The following FEZ1 variants were observed in gnomAD, a reference collection of about 807,000 sequenced individuals.
FEZ1 encodes fasciculation and elongation protein zeta-1.
In FEZ1, 20 loss-of-function variants were observed where a neutral mutation model predicts 49.3. The ratio of observed to expected loss-of-function variants is 0.41; its 90% CI spans 0.29 to 0.59. FEZ1 has a LOEUF of 0.59. FEZ1 is among the 20% of genes least tolerant of loss of function. The pLI, the probability that FEZ1 is intolerant of heterozygous loss-of-function variation, is 0.36. For missense variants in FEZ1, 413 were observed against 476.0 expected (o/e 0.87, Z 1.23); for synonymous variants, 170 against 180.9 (o/e 0.94, Z 0.48).
In FEZ1 at chr11:125,445,499, G is replaced by A. The variant is rs111452528; in HGVS notation, c.*596C>T. Among the ~76,000 whole-genome samples the A allele has an allele frequency of 9.4e-4, 143 of 152,308 alleles. 1 individual carries two copies. Among genetic ancestry groups the A allele is most frequent in the African/African-American group, 3.3e-3 (139 of 41,580 alleles). ...GACCAGCTCCTTTCTGCAGCCCCTG[G>A]TGCAGCTCCCTTGCATGTGGCTGAG... On this transcript the variant is annotated 3_prime_UTR_variant, in exon 10 of 10. Coordinates refer to ENST00000278919, the MANE Select transcript of FEZ1 (RefSeq NM_005103.5). The surrounding 1 kb of genome is among the most constrained non-coding windows in gnomAD (Gnocchi z 4.4).
rs1292806327 is a variant in FEZ1 at position 125,495,074 on chromosome 11, G to T, written c.-46+1047C>A. 2 of 334,594 alleles carry T rather than the reference G, an allele frequency of 6.0e-6. No homozygotes were observed. Among genetic ancestry groups the T allele is most frequent in the African/African-American group, 4.3e-5 (2 of 46,198 alleles). 20.7% of individuals were successfully genotyped at this position (334,594 alleles called of 1,614,324 possible). The stretch of plus-strand genomic sequence containing the variant: ...GTTTGTGCACATTTTGACAGAAAAA[G>T]TATTTCGTTGCATATGGATCAGCAA... On this transcript the variant is annotated intron_variant, in intron 1 of 9. Coordinates refer to ENST00000278919, the MANE Select transcript of FEZ1 (RefSeq NM_005103.5). The surrounding 1 kb of genome is among the most constrained non-coding windows in gnomAD (Gnocchi z 4.2).
rs377117728 is a variant in FEZ1 at position 125,449,762 on chromosome 11, T to C, written c.1097-1195A>G. Reference sequence around the variant, plus strand: ...TCAGAAGGCAGCTGCAACAGTGGGATTGCCACTTCATTTCGATATCCTTGT... The same window carrying C: ...TCAGAAGGCAGCTGCAACAGTGGGACTGCCACTTCATTTCGATATCCTTGT... On this transcript the variant is annotated intron_variant, in intron 8 of 9. Coordinates refer to ENST00000278919, the MANE Select transcript of FEZ1 (RefSeq NM_005103.5). Among the ~76,000 whole-genome samples, 62 of 152,322 alleles carry C rather than the reference T, an allele frequency of 4.1e-4. No homozygotes were observed. In the South Asian group the frequency reaches 7.3e-3, roughly 18 times the overall value.
chr11:125,491,737 C>T (rs1184584976), intron 1 of FEZ1, among the ~76,000 whole-genome samples: 1 of 152,190 alleles, frequency 6.6e-6, no homozygotes, highest in Admixed American at 6.5e-5. Flanking sequence ...AGAACACTGC[C>T]AGTTTGTACC....
chr11:125,476,509 C>A (rs540377333), intron 3 of FEZ1, among the ~76,000 whole-genome samples: 1 of 152,200 alleles, frequency 6.6e-6, no homozygotes, highest in Non-Finnish European at 1.5e-5. Flanking sequence ...AATTTGAAGT[C>A]ATGAGCTTCT....
intron 4 of FEZ1, 170 bp downstream of exon 4, chr11:125,463,314 A>G (rs752907185): frequency 2.4e-5 from 12 of 502,808 alleles, no homozygotes; most frequent in Non-Finnish European, 4.3e-5. Context: ...TCAAAAGTAT[A>G]TATATATAAA....
chr11:125,443,466 G>T lies in FEZ1; in HGVS notation c.*2629C>A, dbSNP rs1479105470. On this transcript the variant is annotated 3_prime_UTR_variant, in exon 10 of 10. Coordinates refer to ENST00000278919, the MANE Select transcript of FEZ1 (RefSeq NM_005103.5). ...TTGATGCAAATACAAGTTGCAGGGA[G>T]ATTTAGCTTAATACGTAGTAGAGCT... Among the ~76,000 whole-genome samples, 2 of 152,220 alleles carry T rather than the reference G, an allele frequency of 1.3e-5. No individual in the cohort carries two copies.
At chr11:125,461,200 G>A (rs1957071145) in intron 4 of FEZ1, among the ~76,000 whole-genome samples, 1 of 152,080 alleles carries the variant, frequency 6.6e-6, no homozygotes, top group African/African-American at 2.4e-5. Context: ...TAGAAGGATA[G>A]GTGGAGTCTA....
chr11:125,489,006 C>T lies in FEZ1; in HGVS notation c.311+461G>A, dbSNP rs1452136168. The T allele has an allele frequency of 4.1e-6, 4 of 985,798 alleles. No individual in the cohort carries two copies. The East Asian group carries it at 4.5e-4, about 112-fold the overall frequency. The allele number at this position is 985,798 out of a possible 1,614,324, so 61.1% of individuals were successfully genotyped here. A position where few individuals can be genotyped will look rare whatever the true frequency, so the allele number is the denominator to read the frequency against. ...GCTTTCTTATGTGGACATATCCTAA[C>T]ATCTGTAGATAACTCTCCAGGCCTG... On this transcript the variant is annotated intron_variant, in intron 2 of 9. Coordinates refer to ENST00000278919, the MANE Select transcript of FEZ1 (RefSeq NM_005103.5). This position sits in a 1 kb window ranked among gnomAD's most constrained non-coding sequence, Gnocchi z 4.2.
intron 3 of FEZ1, among the ~76,000 whole-genome samples, chr11:125,471,787 C>T (rs773820760): frequency 2.0e-5 from 3 of 152,074 alleles, no homozygotes; most frequent in Non-Finnish European, 4.4e-5. Context: ...ATTTATAGCA[C>T]ATTACAACCA....
At chr11:125,465,646 T>C (rs1957120794) in intron 3 of FEZ1, among the ~76,000 whole-genome samples, 2 of 152,096 alleles carry the variant, frequency 1.3e-5, no homozygotes, top group South Asian at 4.1e-4. Flanking sequence ...CACTAAAAAA[T>C]AAAATAAAAG....
At chr11:125,459,786 G>A (rs1957055740) in intron 5 of FEZ1, among the ~76,000 whole-genome samples, 1 of 152,038 alleles carries the variant, frequency 6.6e-6, no homozygotes, top group Non-Finnish European at 1.5e-5. Flanking sequence ...AAGATGAAAT[G>A]AGATTAGGCA....
At chr11:125,474,271 C>T (rs1296181488) in intron 3 of FEZ1, among the ~76,000 whole-genome samples, 2 of 150,652 alleles carry the variant, frequency 1.3e-5, no homozygotes, top group Non-Finnish European at 2.9e-5. Context: ...ATCTGCTGAC[C>T]TCGTGATCCA....
Position 125,481,524 on chromosome 11 carries a change from G to A in FEZ1, c.411+10C>T, listed in dbSNP as rs377689781. 151 of 1,567,464 alleles carry A rather than the reference G, an allele frequency of 9.6e-5. 1 individual carries two copies. The highest frequency in any genetic ancestry group is 1.5e-4 in the Admixed American group (9 of 59,944). On this transcript the variant is annotated intron_variant, in intron 3 of 9. Transcript: ENST00000278919. ...CAAGCCCTGCTAAACCAGGGGCCCC[G>A]GAGAGGTACCTCAGTGTCAGAGCAG...
chr11:125,462,095 T>A (rs1339544078), intron 4 of FEZ1, among the ~76,000 whole-genome samples: 3 of 152,218 alleles, frequency 2.0e-5, no homozygotes, highest in Admixed American at 2.0e-4. Flanking sequence ...AGTCTCCTAA[T>A]CCTCACGTGT....
chr11:125,479,620 G>A (rs1957261868), intron 3 of FEZ1, among the ~76,000 whole-genome samples: 1 of 152,198 alleles, frequency 6.6e-6, no homozygotes, highest in Non-Finnish European at 1.5e-5. Flanking sequence ...TTGTGGAGGT[G>A]ATGATATCAT....
rs1365267755 is a variant in FEZ1 at position 125,495,520 on chromosome 11, G to A, written c.-46+601C>T. ...TCTGTAGTAAAACAATCGCTCTCCCGGCGTCTGCGGCCGCTGCCAGCGGTT... is the reference window on the plus strand; with the variant it reads ...TCTGTAGTAAAACAATCGCTCTCCCAGCGTCTGCGGCCGCTGCCAGCGGTT... On this transcript the variant is annotated intron_variant, in intron 1 of 9. Coordinates refer to ENST00000278919, the MANE Select transcript of FEZ1 (RefSeq NM_005103.5). This position sits in a 1 kb window ranked among gnomAD's most constrained non-coding sequence, Gnocchi z 4.2. 1 of 471,086 alleles carries A rather than the reference G, an allele frequency of 2.1e-6. No individual in the cohort carries two copies. Among genetic ancestry groups the A allele is most frequent in the Admixed American group, 2.3e-5 (1 of 42,586 alleles). The allele number at this position is 471,086 out of a possible 1,614,324, so 29.2% of individuals were successfully genotyped here.
At chr11:125,463,675 A>T in intron 3 of FEZ1, 105 bp from the exon 4 acceptor site, 1 of 728,438 alleles carries the variant, frequency 1.4e-6, no homozygotes, top group Admixed American at 1.9e-5. Flanking sequence ...CACTCCAGCC[A>T]GCTGCTGTCT....
rs1362498060 is a variant in FEZ1 at position 125,481,624 on chromosome 11, A to C, written c.321T>G (p.Asp107Glu). The C allele has an allele frequency of 2.5e-6, 4 of 1,608,666 alleles. No individual in the cohort carries two copies. Among genetic ancestry groups the C allele is most frequent in the Non-Finnish European group, 1.7e-6 (2 of 1,175,218 alleles). ...AAGGGATGTAATTGTCTGTCAGAGC[A>C]TCCCAAACCCTGTAAACAAAGAGAA... ...EETLQDEEVW[D>E]ALTDNYIPSL... The change falls in exon 3 of 10, where the codon GAT becomes GAG. Residue 107 changes from aspartate to glutamate, a missense_variant. Coordinates refer to ENST00000278919, the MANE Select transcript of FEZ1 (RefSeq NM_005103.5).
At chr11:125,475,530 T>C (rs1183181352) in intron 3 of FEZ1, among the ~76,000 whole-genome samples, 2 of 151,910 alleles carry the variant, frequency 1.3e-5, no homozygotes, top group East Asian at 3.9e-4. Flanking sequence ...GGGAGTTAAA[T>C]GATGAGAACA....
Sources: gnomAD v4.1 joint callset for allele counts (sites outside exome capture counted in the v4.1 genomes callset) on GRCh38, gnomAD v4.1.1 for gene constraint, Gnocchi (gnomAD v3.1) non-coding constraint, MANE v1.5 for transcripts, NCBI Gene and HGNC (gene_info 2026-07-23, HGNC 2026-07-21) for gene names.